WDR47: variants seen among roughly 807,000 people sequenced by gnomAD.
WDR47 encodes WD repeat-containing protein 47.
Under a neutral mutation model 97.2 loss-of-function variants are expected in WDR47, and 32 were observed. The ratio of observed to expected loss-of-function variants is 0.33; its 90% CI spans 0.25 to 0.44. The LOEUF is 0.44. Ranked by LOEUF, WDR47 falls within the 20% of genes least tolerant of loss-of-function variation. The pLI, the probability that WDR47 is intolerant of heterozygous loss-of-function variation, is 1.00. For synonymous variants in WDR47, 375 were observed against 373.5 expected, an observed-to-expected ratio of 1.00 and a Z score of -0.05; for missense variants, 782 against 1,102.3, an observed-to-expected ratio of 0.71 and a Z score of 4.11.
chr1:109,002,489 A>T, intron 6 of WDR47, 87 bp from the exon 7 acceptor site: 1 of 1,069,932 alleles, frequency 9.3e-7, no homozygotes, highest in Non-Finnish European at 1.3e-6. Flanking sequence ...TGCTGAATAA[A>T]ATATACAATT....
At chr1:108,993,769 A>T (rs1176749522) in intron 8 of WDR47, among the ~76,000 whole-genome samples, 1 of 152,206 alleles carries the variant, frequency 6.6e-6, no homozygotes, top group Non-Finnish European at 1.5e-5. Context: ...TAATGAGAGA[A>T]GTTTTATGAT....
In WDR47 at chr1:109,002,403, C is replaced by A; in HGVS notation, c.1255-1G>T. ...GAAATTGTTCTGTTGAATCTCGAAG[C>A]TTAAAAACATTAGAAAAAAACATAT... On this transcript the variant is annotated splice_acceptor_variant, in intron 6 of 14. Coordinates refer to ENST00000369962, the MANE Select transcript of WDR47 (RefSeq NM_001142551.2). LOFTEE classifies it high-confidence loss of function. 1.3e-6 allele frequency: 2 copies of A among 1,587,406 alleles called. No homozygotes were observed. Among genetic ancestry groups the A allele is most frequent in the Admixed American group, 1.8e-5 (1 of 55,650 alleles).
intron 8 of WDR47, among the ~76,000 whole-genome samples, chr1:108,994,821 G>A (rs1401159681): frequency 4.6e-5 from 7 of 151,910 alleles, no homozygotes; most frequent in African/African-American, 1.2e-4. Context: ...AAAGCAAATA[G>A]TAAAAAAATA....
intron 5 of WDR47, among the ~76,000 whole-genome samples, chr1:109,005,370 G>A (rs1344030614): frequency 1.3e-5 from 2 of 152,094 alleles, no homozygotes; most frequent in East Asian, 1.9e-4. Context: ...CCAAGATCAC[G>A]CCACTGCACT....
intron 1 of WDR47, among the ~76,000 whole-genome samples, chr1:109,026,297 C>T (rs1295458055): frequency 6.6e-6 from 1 of 151,890 alleles, no homozygotes; most frequent in Non-Finnish European, 1.5e-5. Context: ...GCAATCCTCT[C>T]GCCTCGGCAT....
intron 9 of WDR47, among the ~76,000 whole-genome samples, chr1:108,987,627 T>C (rs1469116301): frequency 1.3e-5 from 2 of 151,960 alleles, no homozygotes; most frequent in Non-Finnish European, 2.9e-5. Flanking sequence ...ACCACCATGC[T>C]TGACTAATTT....
Position 109,030,329 on chromosome 1 carries a change from G to A in WDR47, c.-9-6808C>T, listed in dbSNP as rs780921340. 8.2e-4 allele frequency: 668 copies of A among 811,852 alleles called. 3 individuals carry two copies. Among genetic ancestry groups the A allele is most frequent in the Non-Finnish European group, 1.2e-3 (611 of 521,098 alleles). 50.3% of individuals were successfully genotyped at this position (811,852 alleles called of 1,614,324 possible). A position where few individuals can be genotyped will look rare whatever the true frequency, so the allele number is the denominator to read the frequency against. On this transcript the variant is annotated intron_variant, in intron 1 of 14. Coordinates refer to ENST00000369962, the MANE Select transcript of WDR47 (RefSeq NM_001142551.2). ...GAAGAAGCAGCACTAAAAGCACTCTGAATCAAGATGAGTGGGAAACCATCT... is the reference window on the plus strand; with the variant it reads ...GAAGAAGCAGCACTAAAAGCACTCTAAATCAAGATGAGTGGGAAACCATCT...
intron 3 of WDR47, among the ~76,000 whole-genome samples, chr1:109,014,247 C>G (rs1036648409): frequency 3.3e-5 from 5 of 151,826 alleles, no homozygotes; most frequent in Admixed American, 2.6e-4. Context: ...AAAATTTTAA[C>G]AAATAATAGT....
At chr1:109,001,897 A>C (rs1660226615) in intron 7 of WDR47, among the ~76,000 whole-genome samples, 1 of 147,748 alleles carries the variant, frequency 6.8e-6, no homozygotes, top group Non-Finnish European at 1.5e-5. Context: ...GCCTCAAAAA[A>C]AAAAAAGCAG....
At chr1:109,041,205 G>A (rs2102078891) in intron 1 of WDR47, among the ~76,000 whole-genome samples, 1 of 148,716 alleles carries the variant, frequency 6.7e-6, no homozygotes. Flanking sequence ...AAAGGGAAGC[G>A]GTTTAACCCT....
intron 7 of WDR47, among the ~76,000 whole-genome samples, chr1:108,999,730 G>A (rs1053686377): frequency 1.3e-5 from 2 of 151,450 alleles, no homozygotes; most frequent in African/African-American, 4.9e-5. Context: ...ATAAAGGAAA[G>A]ATGAACCTTC....
In WDR47 at chr1:108,981,752, G is replaced by C. The variant is rs754712052; in HGVS notation, c.2379C>G (p.Gly793=). ...LRVPSCVRVV[G]TTFHGTGSAV... is the part of the protein sequence containing the mutation. ...ACCTACCAGTTCCATGAAATGTTGTGCCAACAACACGAACACAACTTGGTA... is the reference window on the plus strand; with the variant it reads ...ACCTACCAGTTCCATGAAATGTTGTCCCAACAACACGAACACAACTTGGTA... Residue 793 remains glycine, a synonymous_variant, in exon 13 of 15, where the codon GGC becomes GGG. Coordinates refer to ENST00000369962, the MANE Select transcript of WDR47 (RefSeq NM_001142551.2). 1 of 1,612,184 alleles carries C rather than the reference G, an allele frequency of 6.2e-7. No homozygotes were observed. Among genetic ancestry groups the C allele is most frequent in the Non-Finnish European group, 8.5e-7 (1 of 1,179,186 alleles).
chr1:108,989,288 A>T (rs1288088216), intron 9 of WDR47, among the ~76,000 whole-genome samples: 1 of 152,226 alleles, frequency 6.6e-6, no homozygotes, highest in Non-Finnish European at 1.5e-5. Context: ...ACACACACAA[A>T]GGAAAATCAC....
intron 5 of WDR47, among the ~76,000 whole-genome samples, chr1:109,010,578 A>ATTTT (rs199821610): frequency 2.0e-5 from 2 of 101,712 alleles, no homozygotes; most frequent in African/African-American, 3.9e-5. Flanking sequence ...AGATTTCCTA[A>ATTTT]TTTTTTTTTT....
intron 13 of WDR47, among the ~76,000 whole-genome samples, chr1:108,978,397 T>C (rs1346109960): frequency 4.6e-5 from 7 of 151,322 alleles, no homozygotes; most frequent in Non-Finnish European, 7.4e-5. Context: ...GAGAATGGCG[T>C]GAACCCGGGA....
At chr1:108,977,650 G>C (rs566444922) in intron 13 of WDR47, among the ~76,000 whole-genome samples, 2 of 152,100 alleles carry the variant, frequency 1.3e-5, no homozygotes, top group Non-Finnish European at 2.9e-5. Flanking sequence ...TCAGAAGTTC[G>C]AGACCAGCCT....
intron 3 of WDR47, among the ~76,000 whole-genome samples, chr1:109,014,771 G>C (rs951889476): frequency 6.6e-6 from 1 of 152,002 alleles, no homozygotes; most frequent in African/African-American, 2.4e-5. Flanking sequence ...TTTTCAGAGG[G>C]GAAGGGATAG....
At chr1:108,983,500 A>G (rs2101821945) in intron 10 of WDR47, 49 bp from the exon 11 acceptor site, 1 of 1,481,306 alleles carries the variant, frequency 6.8e-7, no homozygotes. Context: ...GCTTGCTACA[A>G]TCAGTTATGA....
At chr1:108,996,156 T>A (rs1182785583) in intron 7 of WDR47, among the ~76,000 whole-genome samples, 3 of 152,156 alleles carry the variant, frequency 2.0e-5, no homozygotes, top group Non-Finnish European at 2.9e-5. Flanking sequence ...AGCCCTGGGC[T>A]CAAGCAATCC....
Sources: gnomAD v4.1 joint callset for allele counts (sites outside exome capture counted in the v4.1 genomes callset) on GRCh38, gnomAD v4.1.1 for gene constraint, MANE v1.5 for transcripts, NCBI Gene and HGNC (gene_info 2026-07-23, HGNC 2026-07-21) for gene names.